PPARGC1A: variants seen among roughly 807,000 people sequenced by gnomAD.
PPARGC1A encodes the protein PPARG coactivator 1 alpha.
In PPARGC1A, 25 loss-of-function variants were observed where a neutral mutation model predicts 88.7. The observed-to-expected ratio is 0.28, with a 90% CI of 0.21 to 0.39. The LOEUF is 0.39. Ranked by LOEUF, PPARGC1A falls within the 10% of genes least tolerant of loss-of-function variation. The probability of loss-of-function intolerance (pLI) is 1.00; values close to 1 mark genes in which losing one functional copy is unlikely to be tolerated. For synonymous variants in PPARGC1A, 363 were observed against 355.6 expected (o/e 1.02, Z -0.24); for missense variants, 880 against 968.7 (o/e 0.91, Z 1.22).
At chr4:24,036,684 A>T in the PPARGC1A span, among the ~76,000 whole-genome samples, 1 of 152,206 alleles carries the variant, frequency 6.6e-6, no homozygotes, top group Non-Finnish European at 1.5e-5. Flanking sequence ...GAACAGACAG[A>T]CAAATTGATA....
the PPARGC1A span, among the ~76,000 whole-genome samples, chr4:24,135,702 G>A: frequency 6.6e-6 from 1 of 152,162 alleles, no homozygotes; most frequent in Admixed American, 6.5e-5. Context: ...TAATAGAACT[G>A]AAAAATGTCT....
the PPARGC1A span, among the ~76,000 whole-genome samples, chr4:24,325,618 C>G: frequency 6.6e-6 from 1 of 152,170 alleles, no homozygotes; most frequent in African/African-American, 2.4e-5. Flanking sequence ...TCCCAGAGCC[C>G]CTGGAACTCT....
At chr4:24,363,466 T>C in the PPARGC1A span, among the ~76,000 whole-genome samples, 473 of 152,316 alleles carry the variant, frequency 3.1e-3, 6 homozygotes, top group African/African-American at 0.011. Flanking sequence ...CTCGGTAATA[T>C]ACCATAATGA....
chr4:24,243,697 A>T, the PPARGC1A span, among the ~76,000 whole-genome samples: 1 of 152,200 alleles, frequency 6.6e-6, no homozygotes, highest in Non-Finnish European at 1.5e-5. Flanking sequence ...GATGTCAAAG[A>T]TAATAGCTTT....
chr4:24,164,185 T>C, the PPARGC1A span, among the ~76,000 whole-genome samples: 65 of 152,322 alleles, frequency 4.3e-4, no homozygotes, highest in African/African-American at 1.4e-3. Context: ...AAACAGGTGT[T>C]ATGAGTGAGC....
the PPARGC1A span, among the ~76,000 whole-genome samples, chr4:23,910,215 A>T: frequency 1.2e-3 from 130 of 106,532 alleles, 1 homozygote; most frequent in African/African-American, 4.4e-3. Flanking sequence ...ATACATATAT[A>T]ATATATAATA....
the PPARGC1A span, among the ~76,000 whole-genome samples, chr4:23,978,669 T>TG: frequency 6.6e-6 from 1 of 152,138 alleles, no homozygotes; most frequent in Admixed American, 6.5e-5. Flanking sequence ...ACTTCATTTC[T>TG]GGGGAATTAC....
chr4:24,156,178 C>A, the PPARGC1A span, among the ~76,000 whole-genome samples: 1 of 152,138 alleles, frequency 6.6e-6, no homozygotes, highest in Non-Finnish European at 1.5e-5. Flanking sequence ...AACCCAGTTT[C>A]TTTACCTCCT....
At chr4:24,437,745 C>T in the PPARGC1A span, among the ~76,000 whole-genome samples, 1 of 151,972 alleles carries the variant, frequency 6.6e-6, no homozygotes, top group South Asian at 2.1e-4. Flanking sequence ...TCTCAGCTCA[C>T]TGCAACCTCC....
the PPARGC1A span, among the ~76,000 whole-genome samples, chr4:24,290,041 G>T: frequency 1.3e-5 from 2 of 152,066 alleles, no homozygotes; most frequent in Admixed American, 1.3e-4. Flanking sequence ...GAAACCATCA[G>T]ATCTCATAAG....
chr4:23,846,730 C>G (rs1728394866), intron 2 of PPARGC1A, among the ~76,000 whole-genome samples: 1 of 151,972 alleles, frequency 6.6e-6, no homozygotes, highest in Non-Finnish European at 1.5e-5. Flanking sequence ...AAAATTCCTG[C>G]CTTCAAGGAG....
At chr4:24,319,908 A>G in the PPARGC1A span, among the ~76,000 whole-genome samples, 2 of 152,108 alleles carry the variant, frequency 1.3e-5, no homozygotes, top group East Asian at 3.9e-4. Flanking sequence ...CTTCTTCTTC[A>G]TATTTGTTGC....
chr4:23,837,781 G>C, intron 2 of PPARGC1A, among the ~76,000 whole-genome samples: 1 of 152,118 alleles, frequency 6.6e-6, no homozygotes, highest in East Asian at 1.9e-4. Context: ...ATAACTACAT[G>C]GGAAAGCAAC....
chr4:23,807,013 C>T (rs541350386), intron 10 of PPARGC1A, among the ~76,000 whole-genome samples: 5 of 152,250 alleles, frequency 3.3e-5, no homozygotes, highest in South Asian at 4.1e-4. Flanking sequence ...CAGCTCTCTA[C>T]GTTTGCAAGT....
the PPARGC1A span, among the ~76,000 whole-genome samples, chr4:24,143,075 G>A: frequency 3.9e-5 from 6 of 152,104 alleles, no homozygotes; most frequent in African/African-American, 1.4e-4. Flanking sequence ...TATACCAATT[G>A]AAAAACATGC....
chr4:24,456,851 G>C, the PPARGC1A span, among the ~76,000 whole-genome samples: 1 of 152,200 alleles, frequency 6.6e-6, no homozygotes, highest in Non-Finnish European at 1.5e-5. Flanking sequence ...GACAAGGCCA[G>C]AGTGTGGGCA....
chr4:23,950,070 T>C, the PPARGC1A span, among the ~76,000 whole-genome samples: 1 of 152,156 alleles, frequency 6.6e-6, no homozygotes, highest in Non-Finnish European at 1.5e-5. Context: ...GAAAGGCAGA[T>C]AGGAAATAGC....
At chr4:24,022,484 G>A in the PPARGC1A span, among the ~76,000 whole-genome samples, 1 of 152,112 alleles carries the variant, frequency 6.6e-6, no homozygotes, top group East Asian at 1.9e-4. Context: ...ACGGGGCTGG[G>A]GTTTTCTCCT....
At chr4:24,440,166 T>A in the PPARGC1A span, among the ~76,000 whole-genome samples, 1 of 152,254 alleles carries the variant, frequency 6.6e-6, no homozygotes, top group Non-Finnish European at 1.5e-5. Context: ...TATCTCAATA[T>A]TGTGGTGGTG....
Sources: allele counts gnomAD v4.1 joint callset (sites outside exome capture counted in the v4.1 genomes callset), GRCh38; gene constraint gnomAD v4.1.1; transcripts MANE v1.5; gene names NCBI Gene and HGNC (gene_info 2026-07-23, HGNC 2026-07-21).